TBRG1: variants seen among roughly 807,000 people sequenced by gnomAD.
The protein encoded by TBRG1 is transforming growth factor beta regulator 1, also known as nuclear interactor of ARF and MDM2.
Under a neutral mutation model 44.0 loss-of-function variants are expected in TBRG1, and 31 were observed. The observed-to-expected ratio is 0.70, with a 90% CI of 0.53 to 0.95. The LOEUF (loss-of-function observed/expected upper bound fraction) is 0.95. Ranked by LOEUF, TBRG1 falls within the 40% of genes least tolerant of loss-of-function variation. TBRG1 has a pLI of 0.00. For missense variants in TBRG1, 487 were observed against 496.1 expected (o/e 0.98, Z 0.18); for synonymous variants, 171 against 188.1 (o/e 0.91, Z 0.74).
chr11:124,626,885 G>T lies in TBRG1; in HGVS notation c.592-19G>T. ...TCTTCAGTGACCTCAATCCCAGGTT[G>T]GGGGAATGTTTTTTATAGATCATCA... On this transcript the variant is annotated intron_variant, in intron 4 of 8. Transcript: ENST00000441174. The T allele has an allele frequency of 6.3e-7, 1 of 1,599,202 alleles. No homozygotes were observed.
chr11:124,627,064 T>A lies in TBRG1; in HGVS notation c.738+14T>A. ...GTGCAGCCTCAGGTACCCCCTCTAA[T>A]AATAACCACTGTTTGTCTTTAGAAC... On this transcript the variant is annotated intron_variant, in intron 5 of 8. Coordinates refer to ENST00000441174, the MANE Select transcript of TBRG1 (RefSeq NM_032811.3). The A allele has an allele frequency of 6.8e-7, 1 of 1,481,474 alleles. No individual in the cohort carries two copies. Among genetic ancestry groups the A allele is most frequent in the Non-Finnish European group, 9.2e-7 (1 of 1,083,052 alleles). The allele number at this position is 1,481,474 out of a possible 1,614,324, so 91.8% of individuals were successfully genotyped here.
chr11:124,624,788 T>C, intron 1 of TBRG1, 143 bp from the exon 2 acceptor site: 1 of 637,088 alleles, frequency 1.6e-6, no homozygotes. Context: ...TATGGATTTA[T>C]TTATAGTTTG....
At position 124,631,145 on chromosome 11, in the gene TBRG1, GT is replaced by G. The variant is rs1942601320; in HGVS notation, c.948-128del. ...GCCTGCTTATTTCTTTTAGGTTTTT[GT>G]TAGCAAATATGTGTTTTAGATATAT... On this transcript the variant is annotated intron_variant, in intron 7 of 8. Coordinates refer to ENST00000441174, the MANE Select transcript of TBRG1 (RefSeq NM_032811.3). The G allele has an allele frequency of 3.9e-5, 36 of 933,736 alleles. No homozygotes were observed. In the South Asian group the frequency reaches 6.9e-4, roughly 18 times the overall value. 57.8% of individuals were successfully genotyped at this position (933,736 alleles called of 1,614,324 possible).
At chr11:124,625,215 T>C (rs1942438849) in intron 2 of TBRG1, among the ~76,000 whole-genome samples, 1 of 152,204 alleles carries the variant, frequency 6.6e-6, no homozygotes, top group African/African-American at 2.4e-5. Context: ...ATGAGACAGC[T>C]CCTCTACTCA....
rs562944348 is a variant in TBRG1 at position 124,625,653 on chromosome 11, T to C, written c.222-18T>C. 1.3e-6 allele frequency: 2 copies of C among 1,547,838 alleles called. No homozygotes were observed. Among genetic ancestry groups the C allele is most frequent in the Admixed American group, 2.0e-5 (1 of 49,930 alleles). Reference sequence around the variant, plus strand: ...ATACGGAAGTTCATTTCTCTGCTCCTTTCCTTCCTGATCTCAGGTACTTGC... The same window carrying C: ...ATACGGAAGTTCATTTCTCTGCTCCCTTCCTTCCTGATCTCAGGTACTTGC... On this transcript the variant is annotated intron_variant, in intron 2 of 8. Transcript: ENST00000441174.
Position 124,623,041 on chromosome 11 carries a change from C to G in TBRG1, c.-43C>G. On this transcript the variant is annotated 5_prime_UTR_variant, in exon 1 of 9. Coordinates refer to ENST00000441174, the MANE Select transcript of TBRG1 (RefSeq NM_032811.3). ...CCCGCCCGCTCCCCGACTTAGGATCCGATGCCGGCAGCGTCCTGGGGCCCC... is the reference window on the plus strand; with the variant it reads ...CCCGCCCGCTCCCCGACTTAGGATCGGATGCCGGCAGCGTCCTGGGGCCCC... 3 of 1,495,008 alleles carry G rather than the reference C, an allele frequency of 2.0e-6. No individual in the cohort carries two copies. The highest frequency in any genetic ancestry group is 2.7e-6 in the Non-Finnish European group (3 of 1,123,814). The allele number at this position is 1,495,008 out of a possible 1,614,324, so 92.6% of individuals were successfully genotyped here. A position where few individuals can be genotyped will look rare whatever the true frequency, so the allele number is the denominator to read the frequency against.
intron 3 of TBRG1, among the ~76,000 whole-genome samples, 200 bp downstream of exon 3, chr11:124,626,103 C>T (rs138708257): frequency 4.7e-4 from 71 of 152,276 alleles, no homozygotes; most frequent in African/African-American, 1.6e-3. Flanking sequence ...AGCTAGACTT[C>T]GTTAAATGCA....
intron 5 of TBRG1, 109 bp downstream of exon 5, chr11:124,627,159 G>T: frequency 1.2e-6 from 1 of 817,594 alleles, no homozygotes; most frequent in Non-Finnish European, 2.0e-6. Context: ...ATCACCATTT[G>T]GGTAATCCCA....
intron 5 of TBRG1, among the ~76,000 whole-genome samples, chr11:124,629,602 C>G (rs1942565420): frequency 6.6e-6 from 1 of 152,272 alleles, no homozygotes; most frequent in Middle Eastern, 3.4e-3. Flanking sequence ...GGAAACTATA[C>G]TCAGTAAAAA....
Position 124,626,486 on chromosome 11 carries a change from A to G in TBRG1, c.468A>G (p.Thr156=), listed in dbSNP as rs2134326996. The G allele has an allele frequency of 1.3e-6, 2 of 1,544,516 alleles. No homozygotes were observed. The highest frequency in any genetic ancestry group is 4.9e-5 in the East Asian group (2 of 40,862). ...ENNKLEVLKK[T]CKKKKMAGGA... ...TTTGCGTTTCAGTTCTGAAGAAAAC[A>G]TGCAAGAAAAAGAAAATGGCGGGAG... is the stretch of plus-strand genomic sequence containing the variant. Residue 156 remains threonine, a synonymous_variant, in exon 4 of 9, where the codon ACA becomes ACG. Transcript: ENST00000441174.
intron 4 of TBRG1, 48 bp from the exon 5 acceptor site, chr11:124,626,856 A>C (rs1418989513): frequency 3.2e-6 from 5 of 1,580,108 alleles, no homozygotes; most frequent in Non-Finnish European, 3.4e-6. Context: ...CTGGACTTCT[A>C]AATTCTTCAG....
At chr11:124,628,887 C>T (rs905771419) in intron 5 of TBRG1, among the ~76,000 whole-genome samples, 1 of 152,070 alleles carries the variant, frequency 6.6e-6, no homozygotes, top group African/African-American at 2.4e-5. Context: ...TAACAATGTT[C>T]ACTGTGGCAG....
chr11:124,628,065 TTATATATATATATATATATATATATATA>T (rs71042445), intron 5 of TBRG1, among the ~76,000 whole-genome samples: 1,337 of 69,858 alleles, frequency 0.019, 62 homozygotes, highest in African/African-American at 0.052. Context: ...AGTAGCTGTT[TTATATATATATATATATATATATATATA>T]TATATATATA....
At chr11:124,627,774 C>T (rs977239700) in intron 5 of TBRG1, among the ~76,000 whole-genome samples, 2 of 151,920 alleles carry the variant, frequency 1.3e-5, no homozygotes, top group African/African-American at 4.8e-5. Context: ...GCTTACGTGA[C>T]CTCAATTATG....
chr11:124,626,601 C>T lies in TBRG1; in HGVS notation c.583C>T (p.Leu195=). The change falls in exon 4 of 9, where the codon CTG becomes TTG. Residue 195 remains leucine, a synonymous_variant. Transcript: ENST00000441174. The part of the protein sequence containing the change: ...IGLGGLTVYS[L]GEIITDRPGF... The stretch of plus-strand genomic sequence containing the variant: ...ACTAGGGGGTCTAACAGTATATAGC[C>T]TGGGGGAGGTGAGTGAGACCAGCGA... 1.3e-6 allele frequency: 2 copies of T among 1,551,662 alleles called. No homozygotes were observed. The highest frequency in any genetic ancestry group is 1.7e-6 in the Non-Finnish European group (2 of 1,146,972).
chr11:124,625,954 C>T, intron 3 of TBRG1, 51 bp downstream of exon 3: 1 of 1,491,762 alleles, frequency 6.7e-7, no homozygotes, highest in Non-Finnish European at 8.9e-7. Flanking sequence ...CTACTAATGA[C>T]AGTTAGACCT....
intron 5 of TBRG1, 52 bp from the exon 6 acceptor site, chr11:124,630,336 C>A: frequency 8.5e-7 from 1 of 1,170,228 alleles, no homozygotes; most frequent in South Asian, 1.2e-5. Context: ...TAGTATGCCC[C>A]TCTCTCCTTC....
At position 124,623,305 on chromosome 11, in the gene TBRG1, C is replaced by G. The variant is rs1222144685; in HGVS notation, c.150+72C>G. On this transcript the variant is annotated intron_variant, in intron 1 of 8. Transcript: ENST00000441174. ...ACAAAATCTTTCCCCAAGCTGTTCCCCCTTCCCAGTGTGACAGTATTAATA... is the reference window on the plus strand; with the variant it reads ...ACAAAATCTTTCCCCAAGCTGTTCCGCCTTCCCAGTGTGACAGTATTAATA... The G allele has an allele frequency of 5.3e-6, 8 of 1,495,500 alleles. 1 individual carries two copies. The South Asian group carries it at 8.5e-5, about 16-fold the overall frequency. 92.6% of individuals were successfully genotyped at this position (1,495,500 alleles called of 1,614,324 possible). A position where few individuals can be genotyped will look rare whatever the true frequency, so the allele number is the denominator to read the frequency against.
chr11:124,623,150 A>G lies in TBRG1; in HGVS notation c.67A>G (p.Lys23Glu), dbSNP rs770902666. ...APLQSSKARM[K>E]KLPKKSQNEK... ...GCTGCAGTCCAGCAAGGCCAGGATG[A>G]AAAAGCTCCCGAAGAAGAGCCAGAA... Residue 23 changes from lysine (K) to glutamate (E), a missense_variant, in exon 1 of 9, where the codon AAA becomes GAA. Lys to Glu is a moderately conservative substitution (Grantham distance 56, BLOSUM62 1). Coordinates refer to ENST00000441174, the MANE Select transcript of TBRG1 (RefSeq NM_032811.3). 6 of 1,551,642 alleles carry G rather than the reference A, an allele frequency of 3.9e-6. No individual in the cohort carries two copies. In the South Asian group the frequency reaches 4.8e-5, roughly 12 times the overall value.
Sources: allele counts gnomAD v4.1 joint callset (sites outside exome capture counted in the v4.1 genomes callset), GRCh38; gene constraint gnomAD v4.1.1; transcripts MANE v1.5; gene names NCBI Gene and HGNC (gene_info 2026-07-23, HGNC 2026-07-21).